Variants in NOP9 observed in about 807,000 individuals in gnomAD.
NOP9 encodes the protein nucleolar protein 9.
A neutral mutation model predicts 63.0 loss-of-function variants in NOP9; 50 were observed. The observed-to-expected ratio is 0.79, with a 90% CI of 0.63 to 1.00. The LOEUF (loss-of-function observed/expected upper bound fraction) is 1.00, where lower values mean the gene tolerates loss of function less well. Among genes scored for constraint, NOP9 ranks in the 50% least tolerant of loss-of-function variants. NOP9 has a pLI of 0.00. For missense variants in NOP9, 758 were observed against 803.0 expected (o/e 0.94, Z 0.68); for synonymous variants, 343 against 332.8 (o/e 1.03, Z -0.33).
chr14:24,306,769 A>G lies in NOP9; in HGVS notation c.*1674A>G. 1.9e-6 allele frequency: 1 copy of G among 523,792 alleles called. No individual in the cohort carries two copies. The allele number at this position is 523,792 out of a possible 1,614,324, so 32.4% of individuals were successfully genotyped here. A position where few individuals can be genotyped will look rare whatever the true frequency, so the allele number is the denominator to read the frequency against. On this transcript the variant is annotated 3_prime_UTR_variant, in exon 10 of 10. Transcript: ENST00000267425. ...TTGGCATCTCCCCTTGCTCCCCTCC[A>G]AGTCACTTCTGGTTTGGAATTGGAA...
rs1293087822 is a variant in NOP9, at chr14:24,306,228, G to T, written c.*1133G>T. On this transcript the variant is annotated 3_prime_UTR_variant, in exon 10 of 10. Coordinates refer to ENST00000267425, the MANE Select transcript of NOP9 (RefSeq NM_174913.3). ...CACTGGGTCAGACCCTCCCTCGCTT[G>T]GACTTTCTGTCCACTGTGTGACATC... The T allele has an allele frequency of 6.6e-7, 1 of 1,525,756 alleles. No individual in the cohort carries two copies. Among genetic ancestry groups the T allele is most frequent in the South Asian group, 1.2e-5 (1 of 83,612 alleles). 94.5% of individuals were successfully genotyped at this position (1,525,756 alleles called of 1,614,324 possible).
At chr14:24,304,361 C>A in intron 8 of NOP9, 84 bp downstream of exon 8, 1 of 1,344,012 alleles carries the variant, frequency 7.4e-7, no homozygotes, top group Non-Finnish European at 1.1e-6. Flanking sequence ...CCTTCAGACT[C>A]AAAAAGGCTA....
Position 24,307,641 on chromosome 14 carries a change from G to A in NOP9, c.*2546G>A. On this transcript the variant is annotated 3_prime_UTR_variant, in exon 10 of 10. Coordinates refer to ENST00000267425, the MANE Select transcript of NOP9 (RefSeq NM_174913.3). ...ATCTAGGTTTATCGATTAGGGATGA[G>A]GGAGAGACCATGGAGTGCAGGTGGG... is the stretch of plus-strand genomic sequence containing the variant. The A allele has an allele frequency of 2.3e-6, 3 of 1,280,046 alleles. No homozygotes were observed. The highest frequency in any genetic ancestry group is 1.4e-5 in the South Asian group (1 of 73,848). 79.3% of individuals were successfully genotyped at this position (1,280,046 alleles called of 1,614,324 possible). A position where few individuals can be genotyped will look rare whatever the true frequency, so the allele number is the denominator to read the frequency against.
In NOP9 at chr14:24,302,216, C is replaced by A; in HGVS notation, c.951-16C>A. 1.2e-6 allele frequency: 2 copies of A among 1,604,794 alleles called. No homozygotes were observed. Among genetic ancestry groups the A allele is most frequent in the Non-Finnish European group, 1.7e-6 (2 of 1,172,562 alleles). ...GAAATGGAGTTAAGACTGCCTGATG[C>A]CCTTCTTGTCCCTAGTCCCCTACTG... On this transcript the variant is annotated splice_polypyrimidine_tract_variant and intron_variant, in intron 4 of 9. Coordinates refer to ENST00000267425, the MANE Select transcript of NOP9 (RefSeq NM_174913.3).
the NOP9 span, chr14:24,271,653 G>C: frequency 6.5e-6 from 1 of 152,864 alleles, no homozygotes; most frequent in Non-Finnish European, 1.5e-5. Flanking sequence ...CGTGCGCGGG[G>C]GCTCTGCGCT....
upstream of NOP9, chr14:24,296,677 G>A (rs910349301): frequency 8.1e-6 from 13 of 1,613,514 alleles, no homozygotes; most frequent in African/African-American, 1.6e-4. Flanking sequence ...TGGGGATGAA[G>A]ATGCAGGGGT....
the NOP9 span, among the ~76,000 whole-genome samples, chr14:24,279,274 T>A: frequency 6.6e-6 from 1 of 152,224 alleles, no homozygotes; most frequent in South Asian, 2.1e-4. Flanking sequence ...TCCTCTCCAC[T>A]GCCCATTCCC....
chr14:24,287,779 T>G, the NOP9 span, among the ~76,000 whole-genome samples: 3 of 152,246 alleles, frequency 2.0e-5, no homozygotes, highest in African/African-American at 7.2e-5. Context: ...GCATGCTGCT[T>G]CTTTCCTCCT....
chr14:24,271,934 G>A, the NOP9 span, among the ~76,000 whole-genome samples: 1 of 151,724 alleles, frequency 6.6e-6, no homozygotes, highest in Non-Finnish European at 1.5e-5. Flanking sequence ...AGCATTTGAC[G>A]CTACCCATTT....
chr14:24,303,625 A>G lies in NOP9; in HGVS notation c.1285-107A>G, dbSNP rs1011979584. 77 of 1,157,476 alleles carry G rather than the reference A, an allele frequency of 6.7e-5. No individual in the cohort carries two copies. The South Asian group carries it at 9.9e-4, about 15-fold the overall frequency. The allele number at this position is 1,157,476 out of a possible 1,614,324, so 71.7% of individuals were successfully genotyped here. A position where few individuals can be genotyped will look rare whatever the true frequency, so the allele number is the denominator to read the frequency against. On this transcript the variant is annotated intron_variant, in intron 6 of 9. Coordinates refer to ENST00000267425, the MANE Select transcript of NOP9 (RefSeq NM_174913.3). ...TGACATCTGCTTTCATGGAGCTAAC[A>G]TTCTTGTGGAGTTGGGCCTTCTTTC...
chr14:24,284,063 G>A, the NOP9 span, among the ~76,000 whole-genome samples: 1 of 152,188 alleles, frequency 6.6e-6, no homozygotes, highest in Non-Finnish European at 1.5e-5. Context: ...ACACTGAGGG[G>A]GCAAGGATGC....
chr14:24,298,849 T>G (rs2041310357), upstream of NOP9: 1 of 1,210,952 alleles, frequency 8.3e-7, no homozygotes, highest in East Asian at 2.7e-5. Context: ...TATTCACATC[T>G]TGTTGAGTAG....
At chr14:24,291,771 A>G in the NOP9 span, 1 of 803,868 alleles carries the variant, frequency 1.2e-6, no homozygotes, top group South Asian at 1.5e-5. Context: ...GACCCAAAGT[A>G]TTGGCAGGTG....
At position 24,305,443 on chromosome 14, in the gene NOP9, C is replaced by T; in HGVS notation, c.*348C>T. The T allele has an allele frequency of 1.5e-6, 1 of 676,192 alleles. No homozygotes were observed. The highest frequency in any genetic ancestry group is 3.5e-5 in the Admixed American group (1 of 28,462). 41.9% of individuals were successfully genotyped at this position (676,192 alleles called of 1,614,324 possible). A position where few individuals can be genotyped will look rare whatever the true frequency, so the allele number is the denominator to read the frequency against. Reference sequence around the variant, plus strand: ...GTGGCTAGGAAAGAACAGCATTCTTCAGGTAAGGGTATAGACTTGGGATGT... The same window carrying T: ...GTGGCTAGGAAAGAACAGCATTCTTTAGGTAAGGGTATAGACTTGGGATGT... On this transcript the variant is annotated 3_prime_UTR_variant, in exon 10 of 10. Coordinates refer to ENST00000267425, the MANE Select transcript of NOP9 (RefSeq NM_174913.3).
chr14:24,286,883 A>AC, the NOP9 span, among the ~76,000 whole-genome samples: 1 of 144,012 alleles, frequency 6.9e-6, no homozygotes, highest in African/African-American at 2.6e-5. Context: ...TGTGTGAGCC[A>AC]CCGCGCCCGG....
Position 24,305,674 on chromosome 14 carries a change from C to T in NOP9, c.*579C>T. On this transcript the variant is annotated 3_prime_UTR_variant, in exon 10 of 10. Coordinates refer to ENST00000267425, the MANE Select transcript of NOP9 (RefSeq NM_174913.3). ...CGGCCCTTCTGCTGCCACTGCTCAG[C>T]CCCCTCCACTGCATGACGAAGGGTG... 1 of 1,614,186 alleles carries T rather than the reference C, an allele frequency of 6.2e-7. No homozygotes were observed. The highest frequency in any genetic ancestry group is 8.5e-7 in the Non-Finnish European group (1 of 1,180,020).
chr14:24,305,611 G>T lies in NOP9; in HGVS notation c.*516G>T. Reference sequence around the variant, plus strand: ...GCAGTGGGTCGGTTGGAATGATTCTGGGGGCAGAAGCTCAGAGCCCCTTAG... The same window carrying T: ...GCAGTGGGTCGGTTGGAATGATTCTTGGGGCAGAAGCTCAGAGCCCCTTAG... On this transcript the variant is annotated 3_prime_UTR_variant, in exon 10 of 10. Transcript: ENST00000267425. 6.2e-7 allele frequency: 1 copy of T among 1,603,934 alleles called. No homozygotes were observed. Among genetic ancestry groups the T allele is most frequent in the Non-Finnish European group, 8.5e-7 (1 of 1,175,580 alleles).
chr14:24,271,913 C>G, the NOP9 span, among the ~76,000 whole-genome samples: 4 of 152,144 alleles, frequency 2.6e-5, no homozygotes, highest in African/African-American at 9.7e-5. Context: ...GTCATTTTCT[C>G]TAACCTCTGA....
Position 24,306,123 on chromosome 14 carries a change from T to G in NOP9, c.*1028T>G. On this transcript the variant is annotated 3_prime_UTR_variant, in exon 10 of 10. Coordinates refer to ENST00000267425, the MANE Select transcript of NOP9 (RefSeq NM_174913.3). The stretch of plus-strand genomic sequence containing the variant: ...TGGGCCTCTCCCGTCCCAGGCCATA[T>G]GACAGCACTCCACTCTGTAGGACAC... 6.2e-7 allele frequency: 1 copy of G among 1,613,854 alleles called. No homozygotes were observed. The highest frequency in any genetic ancestry group is 8.5e-7 in the Non-Finnish European group (1 of 1,179,870).
Sources: allele counts gnomAD v4.1 joint callset (sites outside exome capture counted in the v4.1 genomes callset), GRCh38; gene constraint gnomAD v4.1.1; transcripts MANE v1.5; gene names NCBI Gene and HGNC (gene_info 2026-07-23, HGNC 2026-07-21).